Variants in TBATA observed in about 807,000 individuals in gnomAD.
TBATA encodes the protein thymus, brain and testes associated, also known as protein TBATA.
In TBATA, 47 loss-of-function variants were observed where a neutral mutation model predicts 38.7. The observed-to-expected ratio is 1.21, with a 90% CI of 0.96 to 1.55. The LOEUF is 1.55. TBATA is among the 40% of genes most tolerant of loss of function. TBATA has a pLI of 0.00. For missense variants in TBATA, 436 were observed against 435.6 expected, an observed-to-expected ratio of 1.00 and a Z score of -0.01; for synonymous variants, 183 against 170.5, an observed-to-expected ratio of 1.07 and a Z score of -0.57.
Position 70,778,545 on chromosome 10 carries a change from T to A in TBATA, c.507+12A>T. The A allele has an allele frequency of 1.2e-6, 2 of 1,613,524 alleles. No individual in the cohort carries two copies. Among genetic ancestry groups the A allele is most frequent in the Non-Finnish European group, 1.7e-6 (2 of 1,179,446 alleles). ...TCCTCTTCCCAGACTAGCTCCTGTG[T>A]TCCGCACCCACCTCTTTCTTCTTCA... On this transcript the variant is annotated intron_variant, in intron 6 of 10. Coordinates refer to ENST00000456372, the MANE Select transcript of TBATA (RefSeq NM_001318241.2).
At chr10:70,776,586 T>TG (rs1843433842) in intron 7 of TBATA, among the ~76,000 whole-genome samples, 1 of 152,172 alleles carries the variant, frequency 6.6e-6, no homozygotes, top group Non-Finnish European at 1.5e-5. Flanking sequence ...ACAAGGAAGG[T>TG]GGCAGAATGC....
chr10:70,774,844 G>A (rs1466011729), intron 8 of TBATA, among the ~76,000 whole-genome samples: 1 of 152,202 alleles, frequency 6.6e-6, no homozygotes, highest in Non-Finnish European at 1.5e-5. Context: ...TTGCACCTGT[G>A]TGTGTGTGGG....
intron 6 of TBATA, among the ~76,000 whole-genome samples, chr10:70,778,341 C>T (rs1182966244): frequency 2.0e-5 from 3 of 152,212 alleles, no homozygotes; most frequent in East Asian, 1.9e-4. Flanking sequence ...ACTTAGATAT[C>T]GAAGGCCCCC....
rs1244878937 is a variant in TBATA, at chr10:70,775,184, C to T, written c.775+5G>A. Reference sequence around the variant, plus strand: ...TGAGACAGTGCTGCGGGGCTGTGTCCTCACCCTTGGGCGGAGCGTAGAGCA... The same window carrying T: ...TGAGACAGTGCTGCGGGGCTGTGTCTTCACCCTTGGGCGGAGCGTAGAGCA... On this transcript the variant is annotated splice_donor_5th_base_variant and intron_variant, in intron 8 of 10. Coordinates refer to ENST00000456372, the MANE Select transcript of TBATA (RefSeq NM_001318241.2). The T allele has an allele frequency of 2.5e-6, 4 of 1,612,258 alleles. No homozygotes were observed. Among genetic ancestry groups the T allele is most frequent in the Middle Eastern group, 3.3e-4 (2 of 6,056 alleles).
chr10:70,783,286 C>A, intron 3 of TBATA, 53 bp downstream of exon 3: 1 of 1,607,078 alleles, frequency 6.2e-7, no homozygotes, highest in South Asian at 1.1e-5. Flanking sequence ...GTCTTCTACC[C>A]TGCCCTACCC....
chr10:70,783,940 T>C (rs1844577089), intron 2 of TBATA, among the ~76,000 whole-genome samples: 1 of 152,250 alleles, frequency 6.6e-6, no homozygotes, highest in African/African-American at 2.4e-5. Context: ...ATATATGCAT[T>C]TGAAACAATA....
chr10:70,772,392 A>T, intron 10 of TBATA, 122 bp downstream of exon 10: 1 of 911,674 alleles, frequency 1.1e-6, no homozygotes. Context: ...GTGAATGAAT[A>T]GATGAAATGA....
Position 70,774,204 on chromosome 10 carries a change from G to A in TBATA, c.920+9C>T, listed in dbSNP as rs773860097. 1.1e-5 allele frequency: 17 copies of A among 1,611,232 alleles called. No individual in the cohort carries two copies. The highest frequency in any genetic ancestry group is 1.6e-4 in the Middle Eastern group (1 of 6,068). ...GCTGCAGAAGGGCAGGGCGGGGTGC[G>A]GGGCCCACCTGCAGGGTGGCTCTTG... On this transcript the variant is annotated intron_variant, in intron 9 of 10. Transcript: ENST00000456372.
In TBATA at chr10:70,771,398, G is replaced by A. The variant is rs149097055; in HGVS notation, c.1037C>T (p.Ser346Leu). The change falls in exon 11 of 11, where the codon TCG becomes TTG. Residue 346 changes from serine to leucine, a missense_variant. Physicochemically the swap from Ser to Leu is moderately radical, Grantham distance 145 (BLOSUM62 -2). Coordinates refer to ENST00000456372, the MANE Select transcript of TBATA (RefSeq NM_001318241.2). The part of the protein sequence containing the change: ...HSSQNTEKKT[S>L]KPRAES ...CCCTCAGCTCTCTGCCCTCGGCTTC[G>A]ATGTCTTCTTCTCTGTGTTCTGGCT... is the stretch of plus-strand genomic sequence containing the variant. 306 of 1,614,174 alleles carry A rather than the reference G, an allele frequency of 1.9e-4. 6 individuals are homozygous for A. The South Asian group carries it at 2.6e-3, about 14-fold the overall frequency.
chr10:70,783,730 C>G (rs113286255), intron 2 of TBATA, among the ~76,000 whole-genome samples: 1 of 152,196 alleles, frequency 6.6e-6, no homozygotes, highest in Admixed American at 6.5e-5. Context: ...GATAAATAAG[C>G]TGTGGTGCAT....
intron 1 of TBATA, among the ~76,000 whole-genome samples, chr10:70,785,044 G>A (rs1298311250): frequency 1.3e-5 from 2 of 152,164 alleles, no homozygotes; most frequent in Admixed American, 1.3e-4. Context: ...AACCCACAGC[G>A]GCTGTAGAGA....
chr10:70,771,490 G>A, intron 10 of TBATA, 29 bp from the exon 11 acceptor site: 1 of 1,607,036 alleles, frequency 6.2e-7, no homozygotes, highest in Non-Finnish European at 8.5e-7. Flanking sequence ...GCAGGCAGGA[G>A]AGGACCGGGA....
intron 10 of TBATA, among the ~76,000 whole-genome samples, chr10:70,771,760 A>T (rs1842814660): frequency 6.6e-6 from 1 of 152,056 alleles, no homozygotes; most frequent in African/African-American, 2.4e-5. Context: ...TACATTGAGG[A>T]TGTGTTTCCT....
intron 8 of TBATA, 48 bp downstream of exon 8, chr10:70,775,141 G>A: frequency 1.9e-6 from 3 of 1,556,284 alleles, no homozygotes; most frequent in Middle Eastern, 1.7e-4. Flanking sequence ...TCAAGGGCAG[G>A]ACCTTGGCAG....
At chr10:70,783,290 C>A in intron 3 of TBATA, 49 bp downstream of exon 3, 1 of 1,611,062 alleles carries the variant, frequency 6.2e-7, no homozygotes. Flanking sequence ...TCTACCCTGC[C>A]CTACCCCAAG....
chr10:70,771,377 C>T lies in TBATA; in HGVS notation c.1058G>A (p.Ter353=), dbSNP rs1351091434. Residue 353 remains the stop codon, a stop_retained_variant, in exon 11 of 11, where the codon TGA becomes TAA. Coordinates refer to ENST00000456372, the MANE Select transcript of TBATA (RefSeq NM_001318241.2). ...KKTSKPRAES[*] is the part of the protein sequence containing the mutation. ...GGCAGGTGCAAGTGTTAGGGCCCCT[C>T]AGCTCTCTGCCCTCGGCTTCGATGT... 5 of 1,614,122 alleles carry T rather than the reference C, an allele frequency of 3.1e-6. No homozygotes were observed. The African/African-American group carries it at 5.3e-5, about 17-fold the overall frequency.
In TBATA at chr10:70,771,359, G is replaced by C. The variant is rs1227899515; in HGVS notation, c.*17C>G. The C allele has an allele frequency of 6.2e-7, 1 of 1,614,048 alleles. No individual in the cohort carries two copies. Among genetic ancestry groups the C allele is most frequent in the East Asian group, 2.2e-5 (1 of 44,890 alleles). On this transcript the variant is annotated 3_prime_UTR_variant, in exon 11 of 11. Transcript: ENST00000456372. ...GGGGCTGCTCTTGAGCAAGGCAGGTGCAAGTGTTAGGGCCCCTCAGCTCTC... is the reference window on the plus strand; with the variant it reads ...GGGGCTGCTCTTGAGCAAGGCAGGTCCAAGTGTTAGGGCCCCTCAGCTCTC...
Position 70,783,488 on chromosome 10 carries a change from T to C in TBATA, c.-109A>G. On this transcript the variant is annotated 5_prime_UTR_variant, in exon 3 of 11. Coordinates refer to ENST00000456372, the MANE Select transcript of TBATA (RefSeq NM_001318241.2). ...TGTTGAGGATGCAGAACAGGAACTCTCACGAACTGGTGGTGGAAGTGTAAA... is the reference window on the plus strand; with the variant it reads ...TGTTGAGGATGCAGAACAGGAACTCCCACGAACTGGTGGTGGAAGTGTAAA... 2 of 1,291,630 alleles carry C rather than the reference T, an allele frequency of 1.5e-6. No individual in the cohort carries two copies. Among genetic ancestry groups the C allele is most frequent in the Non-Finnish European group, 2.2e-6 (2 of 899,750 alleles). 80.0% of individuals were successfully genotyped at this position (1,291,630 alleles called of 1,614,324 possible).
chr10:70,772,151 T>A (rs1842852509), intron 10 of TBATA: 1 of 489,760 alleles, frequency 2.0e-6, no homozygotes, highest in African/African-American at 2.0e-5. Context: ...CTAGGAGCCC[T>A]CTCCCCACCT....
Sources: allele counts gnomAD v4.1 joint callset (sites outside exome capture counted in the v4.1 genomes callset), GRCh38; gene constraint gnomAD v4.1.1; transcripts MANE v1.5; gene names NCBI Gene and HGNC (gene_info 2026-07-23, HGNC 2026-07-21).